Variants in TNIK observed in about 807,000 individuals in gnomAD.
TNIK encodes the protein TRAF2 and NCK-interacting protein kinase.
TNIK carries 49 observed loss-of-function variants against 191.3 expected under a neutral mutation model. That is an observed-to-expected ratio of 0.26 (90% CI 0.20 to 0.32). The LOEUF (loss-of-function observed/expected upper bound fraction) is 0.32, where lower values mean the gene tolerates loss of function less well. Among genes scored for constraint, TNIK ranks in the 10% least tolerant of loss-of-function variants. TNIK has a pLI of 1.00. For missense variants in TNIK, 1,155 were observed against 1,702.3 expected (o/e 0.68, Z 5.66); for synonymous variants, 594 against 600.9 (o/e 0.99, Z 0.17).
At chr3:171,351,525 C>T (rs1713210045) in intron 2 of TNIK, among the ~76,000 whole-genome samples, 1 of 152,110 alleles carries the variant, frequency 6.6e-6, no homozygotes, top group Non-Finnish European at 1.5e-5. Flanking sequence ...TTCATTTATT[C>T]TCATGTTCTT....
chr3:171,378,863 G>A (rs1443176724), intron 1 of TNIK, among the ~76,000 whole-genome samples: 2 of 152,226 alleles, frequency 1.3e-5, no homozygotes, highest in African/African-American at 4.8e-5. Context: ...ATCCTAGTTA[G>A]TGGCAGAGTT....
chr3:171,261,869 G>A lies in TNIK; in HGVS notation c.124-33648C>T, dbSNP rs189788533. 2.4e-3 allele frequency among the ~76,000 whole-genome samples: 364 copies of A among 152,272 alleles called. 1 individual carries two copies. Among genetic ancestry groups the A allele is most frequent in the Non-Finnish European group, 3.3e-3 (226 of 68,024 alleles). The stretch of plus-strand genomic sequence containing the variant: ...AAACACAAGGGCTGGATGGTTTGCC[G>A]GGAGGAGACACAAAACTTTGGTTTG... On this transcript the variant is annotated intron_variant, in intron 2 of 32. Transcript: ENST00000436636.
At chr3:171,205,787 C>T (rs1236294832) in intron 4 of TNIK, among the ~76,000 whole-genome samples, 2 of 152,268 alleles carry the variant, frequency 1.3e-5, no homozygotes, top group African/African-American at 4.8e-5. Flanking sequence ...TTCCAATGGC[C>T]TGCAAAGCCC....
intron 15 of TNIK, among the ~76,000 whole-genome samples, chr3:171,134,528 T>C (rs1459169456): frequency 3.3e-5 from 5 of 152,184 alleles, no homozygotes; most frequent in Admixed American, 6.5e-5. Flanking sequence ...CCAGAGATCC[T>C]CCTGCTTTTG....
Position 171,128,844 on chromosome 3 carries a change from G to C in TNIK, c.1643C>G (p.Ser548Cys). 6.5e-7 allele frequency: 1 copy of C among 1,538,974 alleles called. No homozygotes were observed. The highest frequency in any genetic ancestry group is 2.4e-5 in the East Asian group (1 of 42,074). ...GGCAACCTTGTGAGGCATGGCAGGG[G>C]AACTTTGCCGGTTGAGCCTTGACCG... ...EERSRLNRQS[S>C]PAMPHKVANR... is the part of the protein sequence containing the mutation. Residue 548 changes from serine (S) to cysteine (C), a missense_variant, in exon 16 of 33, where the codon TCC (serine) becomes TGC (cysteine). Physicochemically the swap from Ser to Cys is moderately radical, Grantham distance 112. Coordinates refer to ENST00000436636, the MANE Select transcript of TNIK (RefSeq NM_015028.4).
chr3:171,156,333 G>C (rs531166007), intron 12 of TNIK, among the ~76,000 whole-genome samples: 4 of 152,294 alleles, frequency 2.6e-5, no homozygotes, highest in African/African-American at 9.6e-5. Context: ...AGGGAGGCTG[G>C]ACCTTGATGT....
intron 2 of TNIK, among the ~76,000 whole-genome samples, chr3:171,289,798 A>G (rs969699719): frequency 2.0e-5 from 3 of 149,690 alleles, no homozygotes; most frequent in African/African-American, 7.4e-5. Flanking sequence ...GCTACTCGGG[A>G]GGCTGAGGCA....
chr3:171,135,188 A>G (rs565141033), intron 15 of TNIK, among the ~76,000 whole-genome samples: 97 of 152,372 alleles, frequency 6.4e-4, no homozygotes, highest in African/African-American at 2.3e-3. Context: ...CTATGTTCAT[A>G]TTTAAAGTTT....
intron 9 of TNIK, among the ~76,000 whole-genome samples, chr3:171,170,230 A>G (rs1486840772): frequency 1.3e-5 from 2 of 152,236 alleles, no homozygotes; most frequent in African/African-American, 4.8e-5. Flanking sequence ...AATGATTGGT[A>G]CCTACAGTCT....
chr3:171,323,536 C>A (rs777250168), intron 2 of TNIK, among the ~76,000 whole-genome samples: 1 of 152,120 alleles, frequency 6.6e-6, no homozygotes, highest in Non-Finnish European at 1.5e-5. Context: ...CTGACAATTT[C>A]GGGGTCAAGA....
chr3:171,240,364 G>A (rs541440487), intron 2 of TNIK, among the ~76,000 whole-genome samples: 1 of 152,290 alleles, frequency 6.6e-6, no homozygotes, highest in Non-Finnish European at 1.5e-5. Context: ...AGGTTCCCTT[G>A]GACTAATTAG....
chr3:171,273,418 T>C (rs1749365921), intron 2 of TNIK, among the ~76,000 whole-genome samples: 1 of 152,162 alleles, frequency 6.6e-6, no homozygotes, highest in African/African-American at 2.4e-5. Flanking sequence ...TCTTTCTGCA[T>C]TGTGCTGCCT....
intron 5 of TNIK, among the ~76,000 whole-genome samples, chr3:171,191,286 C>CA (rs1317990074): frequency 6.6e-6 from 1 of 152,210 alleles, no homozygotes; most frequent in Admixed American, 6.5e-5. Context: ...CTTACTCTGT[C>CA]GCCCAGGCTG....
chr3:171,372,094 C>A (rs1004616922), intron 1 of TNIK, among the ~76,000 whole-genome samples: 1 of 152,144 alleles, frequency 6.6e-6, no homozygotes, highest in African/African-American at 2.4e-5. Flanking sequence ...GCCTCAGGGT[C>A]CCCTCTCAGA....
chr3:171,085,882 T>G (rs889719409), intron 24 of TNIK, among the ~76,000 whole-genome samples: 2 of 152,242 alleles, frequency 1.3e-5, no homozygotes, highest in East Asian at 3.8e-4. Flanking sequence ...TTGTGAGCAA[T>G]GTACCTTGAA....
At chr3:171,365,197 T>TTTTTTTTTTTTTTTC (rs1224095923) in intron 2 of TNIK, among the ~76,000 whole-genome samples, 1 of 107,814 alleles carries the variant, frequency 9.3e-6, no homozygotes, top group South Asian at 3.6e-4. Flanking sequence ...TTTTTTTTTT[T>TTTTTTTTTTTTTTTC]TTGAGACAGA....
intron 2 of TNIK, among the ~76,000 whole-genome samples, chr3:171,332,175 T>C (rs1756477421): frequency 6.6e-6 from 1 of 152,206 alleles, no homozygotes; most frequent in Non-Finnish European, 1.5e-5. Flanking sequence ...CATCTTTTGA[T>C]TATATGGTAT....
chr3:171,183,297 C>G (rs1290355685), intron 7 of TNIK, among the ~76,000 whole-genome samples: 1 of 152,238 alleles, frequency 6.6e-6, no homozygotes, highest in Admixed American at 6.5e-5. Flanking sequence ...GGGAGGACAG[C>G]TGACTCCTAG....
chr3:171,091,543 G>C (rs1184967041), intron 23 of TNIK, among the ~76,000 whole-genome samples: 3 of 152,070 alleles, frequency 2.0e-5, no homozygotes, highest in African/African-American at 7.2e-5. Context: ...AGGAGTTTGA[G>C]ACCAGCCTGG....
Sources: gnomAD v4.1 joint callset for allele counts (sites outside exome capture counted in the v4.1 genomes callset) on GRCh38, gnomAD v4.1.1 for gene constraint, MANE v1.5 for transcripts, NCBI Gene and HGNC (gene_info 2026-07-23, HGNC 2026-07-21) for gene names.